Variants in RAPGEF5 observed in about 807,000 individuals in gnomAD.
RAPGEF5 encodes the protein M-Ras-regulated GEF.
In RAPGEF5, 65 loss-of-function variants were observed where a neutral mutation model predicts 125.2. The observed-to-expected ratio is 0.52, with a 90% CI of 0.43 to 0.64. The LOEUF is 0.64. RAPGEF5 is among the 30% of genes least tolerant of loss of function. The probability of loss-of-function intolerance (pLI) is 0.00; values close to 1 mark genes in which losing one functional copy is unlikely to be tolerated. For missense variants in RAPGEF5, 958 were observed against 1,048.1 expected (o/e 0.91, Z 1.19); for synonymous variants, 391 against 385.9 (o/e 1.01, Z -0.16).
At chr7:22,214,698 A>G (rs1399646229) in intron 9 of RAPGEF5, among the ~76,000 whole-genome samples, 1 of 84,562 alleles carries the variant, frequency 1.2e-5, no homozygotes, top group Non-Finnish European at 2.3e-5. Flanking sequence ...CCCAACCCCC[A>G]TCCCTCCCTA....
intron 15 of RAPGEF5, among the ~76,000 whole-genome samples, 159 bp downstream of exon 15, chr7:22,157,688 AACTAAAGC>A (rs1416343786): frequency 1.3e-5 from 2 of 152,260 alleles, no homozygotes; most frequent in Admixed American, 6.5e-5. Context: ...GCACAGGGAT[AACTAAAGC>A]AAAGCAGGAA....
intron 9 of RAPGEF5, among the ~76,000 whole-genome samples, chr7:22,212,764 T>C (rs1785540930): frequency 6.6e-6 from 1 of 152,200 alleles, no homozygotes; most frequent in Non-Finnish European, 1.5e-5. Flanking sequence ...CACTGTTACA[T>C]TAATGCAGAT....
At position 22,118,402 on chromosome 7, in the gene RAPGEF5, T is replaced by TA. The variant is rs1369451750; in HGVS notation, c.*4003dup. On this transcript the variant is annotated 3_prime_UTR_variant, in exon 26 of 26. Coordinates refer to ENST00000665637, the MANE Select transcript of RAPGEF5 (RefSeq NM_012294.5). The stretch of plus-strand genomic sequence containing the variant: ...GTTACTTATATAAGTTTTAACCTTA[T>TA]ATTGCTTGGCCATTTTTACATATAA... 1.3e-5 allele frequency: 2 copies of TA among 152,630 alleles called. No homozygotes were observed. The highest frequency in any genetic ancestry group is 2.4e-5 in the African/African-American group (1 of 41,450). The allele number at this position is 152,630 out of a possible 1,614,324, so 9.5% of individuals were successfully genotyped here. A position where few individuals can be genotyped will look rare whatever the true frequency, so the allele number is the denominator to read the frequency against.
In RAPGEF5 at chr7:22,193,395, G is replaced by A. The variant is rs375961830; in HGVS notation, c.1176C>T (p.His392=). 2,159 of 1,595,156 alleles carry A rather than the reference G, an allele frequency of 1.4e-3. 2 individuals are homozygous for A. Among genetic ancestry groups the A allele is most frequent in the Non-Finnish European group, 1.7e-3 (1,961 of 1,170,186 alleles). Residue 392 remains histidine, a synonymous_variant, in exon 11 of 26, where the codon CAC becomes CAT. Coordinates refer to ENST00000665637, the MANE Select transcript of RAPGEF5 (RefSeq NM_012294.5). ...TTTCTTTGTCCTGGACTTCTTCCAG[G>A]TGCAAGTCATTCAAAAGGTGCTCCA... The part of the protein sequence containing the change: ...KILEHLLNDL[H]LEEVQDKETE...
At chr7:22,266,602 G>A (rs1041540797) in intron 7 of RAPGEF5, among the ~76,000 whole-genome samples, 2 of 152,006 alleles carry the variant, frequency 1.3e-5, no homozygotes, top group African/African-American at 4.8e-5. Context: ...CACCTCTATA[G>A]TACCCATTGT....
chr7:22,322,729 C>T lies in RAPGEF5; in HGVS notation c.232-4692G>A, dbSNP rs930704336. On this transcript the variant is annotated intron_variant, in intron 1 of 25. Coordinates refer to ENST00000665637, the MANE Select transcript of RAPGEF5 (RefSeq NM_012294.5). ...TCTCAACCCTCGATGTAAATAGAACCATCTGGGAAGCTGAAGAAAAACAAA... is the reference window on the plus strand; with the variant it reads ...TCTCAACCCTCGATGTAAATAGAACTATCTGGGAAGCTGAAGAAAAACAAA... Among the ~76,000 whole-genome samples, 39 of 152,086 alleles carry T rather than the reference C, an allele frequency of 2.6e-4. 1 individual carries two copies. Among genetic ancestry groups the T allele is most frequent in the African/African-American group, 9.4e-4 (39 of 41,408 alleles).
intron 14 of RAPGEF5, among the ~76,000 whole-genome samples, chr7:22,158,197 A>AT (rs11436945): frequency 0.13 from 19,133 of 152,222 alleles, 1,274 homozygotes; most frequent in South Asian, 0.17. Context: ...AGAAATGAGG[A>AT]TTTTTTAAAA....
At chr7:22,144,723 T>C (rs1783374657) in intron 20 of RAPGEF5, among the ~76,000 whole-genome samples, 1 of 152,152 alleles carries the variant, frequency 6.6e-6, no homozygotes, top group Non-Finnish European at 1.5e-5. Flanking sequence ...CATCATCCCC[T>C]TTTTTCTTGC....
chr7:22,221,495 T>A (rs1785787964), intron 8 of RAPGEF5, among the ~76,000 whole-genome samples: 1 of 152,170 alleles, frequency 6.6e-6, no homozygotes, highest in African/African-American at 2.4e-5. Flanking sequence ...TTTTGCAGAG[T>A]CGCCACCCAA....
chr7:22,257,976 T>C (rs939564299), intron 7 of RAPGEF5, among the ~76,000 whole-genome samples: 9 of 152,160 alleles, frequency 5.9e-5, no homozygotes, highest in African/African-American at 2.2e-4. Context: ...AAAAAAGGAA[T>C]TATATGCATT....
At position 22,130,900 on chromosome 7, in the gene RAPGEF5, A is replaced by C. The variant is rs1782895126; in HGVS notation, c.2481+137T>G. 9 of 1,240,660 alleles carry C rather than the reference A, an allele frequency of 7.3e-6. No individual in the cohort carries two copies. In the Middle Eastern group the frequency reaches 5.7e-4, roughly 79 times the overall value. The allele number at this position is 1,240,660 out of a possible 1,614,324, so 76.9% of individuals were successfully genotyped here. A position where few individuals can be genotyped will look rare whatever the true frequency, so the allele number is the denominator to read the frequency against. On this transcript the variant is annotated intron_variant, in intron 24 of 25. Coordinates refer to ENST00000665637, the MANE Select transcript of RAPGEF5 (RefSeq NM_012294.5). ...AACATGCAGCAAATAAGCTCCTTGA[A>C]TGAAGCAAATAAGCTCCTTGAATTC...
At chr7:22,225,605 T>C (rs1169952320) in intron 8 of RAPGEF5, among the ~76,000 whole-genome samples, 1 of 152,216 alleles carries the variant, frequency 6.6e-6, no homozygotes, top group Non-Finnish European at 1.5e-5. Context: ...AGTGATTTAA[T>C]TCAAGAAACC....
At chr7:22,220,408 A>C (rs1232757005) in intron 8 of RAPGEF5, among the ~76,000 whole-genome samples, 5 of 152,336 alleles carry the variant, frequency 3.3e-5, no homozygotes, top group Admixed American at 3.3e-4. Flanking sequence ...TAAAAATAAC[A>C]ATATGCAACA....
Position 22,357,119 on chromosome 7 carries a change from G to T in RAPGEF5, c.-59C>A. 1 of 917,936 alleles carries T rather than the reference G, an allele frequency of 1.1e-6. No individual in the cohort carries two copies. The highest frequency in any genetic ancestry group is 1.3e-6 in the Non-Finnish European group (1 of 762,624). 56.9% of individuals were successfully genotyped at this position (917,936 alleles called of 1,614,324 possible). ...TCCACCGCGCTCGCCTCCGCGCGCC[G>T]TCCGCGCCTTCGCCAGGAAGCGAGA... On this transcript the variant is annotated 5_prime_UTR_variant, in exon 1 of 26. Transcript: ENST00000665637.
At chr7:22,326,628 T>C (rs1783819134) in intron 1 of RAPGEF5, among the ~76,000 whole-genome samples, 1 of 152,244 alleles carries the variant, frequency 6.6e-6, no homozygotes, top group Non-Finnish European at 1.5e-5. Context: ...CCCATTGCAA[T>C]TTAAGACTAT....
At chr7:22,193,237 G>C in intron 11 of RAPGEF5, 130 bp downstream of exon 11, 9 of 972,038 alleles carry the variant, frequency 9.3e-6, no homozygotes, top group South Asian at 1.7e-5. Flanking sequence ...GGCAAGGGAC[G>C]AGTCGCACAA....
At chr7:22,221,756 T>A (rs1292186241) in intron 8 of RAPGEF5, among the ~76,000 whole-genome samples, 1 of 152,206 alleles carries the variant, frequency 6.6e-6, no homozygotes, top group African/African-American at 2.4e-5. Flanking sequence ...CATGCTGAAC[T>A]GTGAGTCAAT....
At chr7:22,216,493 A>G (rs1429369271) in intron 9 of RAPGEF5, among the ~76,000 whole-genome samples, 1 of 152,148 alleles carries the variant, frequency 6.6e-6, no homozygotes, top group Middle Eastern at 3.2e-3. Context: ...TATGACCATT[A>G]GTCATTCTTC....
chr7:22,230,683 G>A (rs747698643), intron 8 of RAPGEF5, among the ~76,000 whole-genome samples, 163 bp downstream of exon 8: 3 of 152,134 alleles, frequency 2.0e-5, no homozygotes, highest in Non-Finnish European at 2.9e-5. Context: ...AGGACCCTTT[G>A]TGTGAAATAC....
Sources: gnomAD v4.1 joint callset for allele counts (sites outside exome capture counted in the v4.1 genomes callset) on GRCh38, gnomAD v4.1.1 for gene constraint, MANE v1.5 for transcripts, NCBI Gene and HGNC (gene_info 2026-07-23, HGNC 2026-07-21) for gene names.